SECISBP2: variants seen among roughly 807,000 people sequenced by gnomAD.
SECISBP2 encodes selenocysteine insertion sequence-binding protein 2.
SECISBP2 carries 96 observed loss-of-function variants against 98.2 expected under a neutral mutation model. The ratio of observed to expected loss-of-function variants is 0.98; its 90% CI spans 0.83 to 1.16. The LOEUF is 1.16. SECISBP2 is among the 50% of genes most tolerant of loss of function. SECISBP2 has a pLI of 0.00. For missense variants in SECISBP2, 1,046 were observed against 1,022.9 expected, an observed-to-expected ratio of 1.02 and a Z score of -0.31; for synonymous variants, 407 against 370.2, an observed-to-expected ratio of 1.10 and a Z score of -1.14.
rs777940063 is a variant in SECISBP2, at chr9:89,325,994, G to A, written c.530G>A (p.Gly177Asp). 6.2e-7 allele frequency: 1 copy of A among 1,613,848 alleles called. No homozygotes were observed. Among genetic ancestry groups the A allele is most frequent in the Non-Finnish European group, 8.5e-7 (1 of 1,180,004 alleles). ...TCATCTGAGATAAAATCAGCTAGAG[G>A]TTCACATCATTTGTCCATTTACGCT... Reference protein sequence around the residue: ...TISSEIKSARGSHHLSIYAEN... With the variant: ...TISSEIKSARDSHHLSIYAEN... The change falls in exon 4 of 17, where the codon GGT becomes GAT. Residue 177 changes from glycine to aspartate, a missense_variant. Physicochemically the swap from Gly to Asp is moderately conservative, Grantham distance 94. Transcript: ENST00000375807.
downstream of SECISBP2, among the ~76,000 whole-genome samples, chr9:89,362,816 G>A (rs549291766): frequency 1.1e-4 from 16 of 144,924 alleles, no homozygotes; most frequent in African/African-American, 4.0e-4. Context: ...AGACCCCACC[G>A]CAGGTGGTAG....
chr9:89,343,340 ATCT>A (rs951950910), intron 10 of SECISBP2, among the ~76,000 whole-genome samples: 1 of 151,660 alleles, frequency 6.6e-6, no homozygotes, highest in Non-Finnish European at 1.5e-5. Context: ...AAATCTGTGG[ATCT>A]TCTTTTTTTT....
At chr9:89,354,857 G>A in intron 14 of SECISBP2, 2 of 985,314 alleles carry the variant, frequency 2.0e-6, no homozygotes, top group Non-Finnish European at 2.4e-6. Context: ...TGATGTTACG[G>A]GGGACTTCAT....
At position 89,333,030 on chromosome 9, in the gene SECISBP2, T is replaced by C. The variant is rs748629184; in HGVS notation, c.880+44T>C. ...ATGTTAATTTTTAAAATGTCATAGA[T>C]TTTTTAAGTTCATTTTTAACTCCAG... On this transcript the variant is annotated intron_variant, in intron 6 of 16. Coordinates refer to ENST00000375807, the MANE Select transcript of SECISBP2 (RefSeq NM_024077.5). 3.3e-6 allele frequency: 5 copies of C among 1,534,068 alleles called. No homozygotes were observed. In the African/African-American group the frequency reaches 5.5e-5, roughly 17 times the overall value.
At chr9:89,358,458 A>G (rs1832435941) in intron 16 of SECISBP2, among the ~76,000 whole-genome samples, 1 of 151,588 alleles carries the variant, frequency 6.6e-6, no homozygotes, top group Non-Finnish European at 1.5e-5. Flanking sequence ...TGGAAGGCCA[A>G]GTAAAGGTTC....
At chr9:89,333,851 A>G (rs1828175934) in intron 6 of SECISBP2, among the ~76,000 whole-genome samples, 1 of 152,118 alleles carries the variant, frequency 6.6e-6, no homozygotes, top group African/African-American at 2.4e-5. Context: ...TTGTGTTCTC[A>G]TGTTCGATAT....
intron 4 of SECISBP2, among the ~76,000 whole-genome samples, chr9:89,328,211 A>G (rs1217167839): frequency 1.3e-5 from 2 of 152,270 alleles, no homozygotes; most frequent in Admixed American, 6.5e-5. Context: ...TGTACAGTAC[A>G]TCATCGCATG....
chr9:89,325,223 T>C (rs1826483129), intron 2 of SECISBP2: 1 of 587,216 alleles, frequency 1.7e-6, no homozygotes, highest in East Asian at 2.9e-5. Context: ...AGCTCATTAG[T>C]GAAAAAATAG....
intron 14 of SECISBP2, chr9:89,355,763 A>AG (rs1831968276): frequency 5.8e-6 from 1 of 171,174 alleles, no homozygotes; most frequent in African/African-American, 2.4e-5. Context: ...ATGTTTAGGT[A>AG]GGATTTATTG....
Position 89,334,079 on chromosome 9 carries a change from A to G in SECISBP2, c.881-443A>G, listed in dbSNP as rs146396373. 4.7e-4 allele frequency: 525 copies of G among 1,122,128 alleles called. 1 individual carries two copies. The African/African-American group carries it at 8.0e-3, about 17-fold the overall frequency. The allele number at this position is 1,122,128 out of a possible 1,614,324, so 69.5% of individuals were successfully genotyped here. ...TGCTGTACTTATGCCTCTGTTCTAA[A>G]AGAAATAAATTACCAGTTATTGTGA... On this transcript the variant is annotated intron_variant, in intron 6 of 16. Coordinates refer to ENST00000375807, the MANE Select transcript of SECISBP2 (RefSeq NM_024077.5).
chr9:89,338,633 TAAAAG>T (rs1829171781), intron 8 of SECISBP2, 53 bp downstream of exon 8: 1 of 1,567,696 alleles, frequency 6.4e-7, no homozygotes, highest in Middle Eastern at 2.2e-4. Context: ...GGGTCTTTCT[TAAAAG>T]AAACTTGGGT....
At chr9:89,330,453 G>A (rs1021204042) in intron 5 of SECISBP2, 1 of 152,228 alleles carries the variant, frequency 6.6e-6, no homozygotes, top group Non-Finnish European at 1.5e-5. Context: ...AAAGAAAACA[G>A]GCCTCACCCA....
intron 7 of SECISBP2, among the ~76,000 whole-genome samples, chr9:89,337,485 C>T (rs1000906496): frequency 4.6e-5 from 7 of 152,190 alleles, no homozygotes; most frequent in Non-Finnish European, 1.5e-5. Flanking sequence ...ATATGTCCTG[C>T]CTCAGACTCA....
intron 10 of SECISBP2, among the ~76,000 whole-genome samples, chr9:89,342,045 T>C (rs1027298650): frequency 2.0e-5 from 3 of 152,216 alleles, no homozygotes; most frequent in African/African-American, 7.2e-5. Context: ...GCAAATCATG[T>C]ATCTGATAGG....
At chr9:89,364,204 C>T, downstream of SECISBP2, 3 of 668,298 alleles carry the variant, frequency 4.5e-6, no homozygotes, top group Middle Eastern at 4.3e-4. Context: ...CCTGTGTGGC[C>T]TGTGTCCCCT....
rs907173607 is a variant in SECISBP2 at position 89,318,820 on chromosome 9, A to C, written c.36+208A>C. The C allele has an allele frequency of 6.3e-6, 8 of 1,273,900 alleles. No individual in the cohort carries two copies. The African/African-American group carries it at 1.2e-4, about 20-fold the overall frequency. The allele number at this position is 1,273,900 out of a possible 1,614,324, so 78.9% of individuals were successfully genotyped here. A position where few individuals can be genotyped will look rare whatever the true frequency, so the allele number is the denominator to read the frequency against. The stretch of plus-strand genomic sequence containing the variant: ...CGGTCAGCGGCTACAGACCCCGCCC[A>C]CAGTTAGCGCCGCGTCTGTGGTGCG... On this transcript the variant is annotated intron_variant, in intron 1 of 16. Coordinates refer to ENST00000375807, the MANE Select transcript of SECISBP2 (RefSeq NM_024077.5).
chr9:89,326,142 T>A, intron 4 of SECISBP2, 104 bp downstream of exon 4: 1 of 1,402,018 alleles, frequency 7.1e-7, no homozygotes, highest in Non-Finnish European at 1.0e-6. Flanking sequence ...TCATTGTGAC[T>A]ACTCCAAGAA....
chr9:89,363,865 A>G (rs200113003), downstream of SECISBP2: 25 of 1,614,118 alleles, frequency 1.5e-5, no homozygotes, highest in East Asian at 4.0e-4. Flanking sequence ...GGGCCCTGCC[A>G]TCGGGCAGTG....
intron 13 of SECISBP2, among the ~76,000 whole-genome samples, chr9:89,350,132 T>C (rs1258254379): frequency 6.6e-6 from 1 of 152,212 alleles, no homozygotes; most frequent in Non-Finnish European, 1.5e-5. Flanking sequence ...CTGAGGTTCT[T>C]GTATTAATGA....
Sources: allele counts gnomAD v4.1 joint callset (sites outside exome capture counted in the v4.1 genomes callset), GRCh38; gene constraint gnomAD v4.1.1; transcripts MANE v1.5; gene names NCBI Gene and HGNC (gene_info 2026-07-23, HGNC 2026-07-21).